Variants in CNIH3 observed in about 807,000 individuals in gnomAD.
CNIH3 encodes cornichon family AMPA receptor auxiliary protein 3.
CNIH3 carries 14 observed loss-of-function variants against 24.1 expected under a neutral mutation model. The observed-to-expected ratio is 0.58, with a 90% CI of 0.38 to 0.91. The LOEUF (loss-of-function observed/expected upper bound fraction) is 0.91. CNIH3 is among the 40% of genes least tolerant of loss of function. The probability of loss-of-function intolerance (pLI) is 0.00; values close to 1 mark genes in which losing one functional copy is unlikely to be tolerated. For missense variants in CNIH3, 178 were observed against 196.8 expected (o/e 0.90, Z 0.57); for synonymous variants, 68 against 73.8 (o/e 0.92, Z 0.40).
At chr1:224,449,070 T>C (rs544769472) in intron 1 of CNIH3, among the ~76,000 whole-genome samples, 2 of 151,720 alleles carry the variant, frequency 1.3e-5, no homozygotes, top group East Asian at 3.9e-4. Flanking sequence ...GTTCAAGTGA[T>C]TCTCCTGCCT....
chr1:224,691,426 G>A (rs139940526), intron 3 of CNIH3, among the ~76,000 whole-genome samples: 1 of 152,320 alleles, frequency 6.6e-6, no homozygotes, highest in African/African-American at 2.4e-5. Flanking sequence ...GGGCAGGCGT[G>A]GGAGTGTGTG....
At chr1:224,436,993 A>G (rs1158685893) in intron 1 of CNIH3, 1 of 152,106 alleles carries the variant, frequency 6.6e-6, no homozygotes, top group Non-Finnish European at 1.5e-5. Flanking sequence ...GACTCAGCTC[A>G]TTTCAAACCT....
intron 1 of CNIH3, among the ~76,000 whole-genome samples, chr1:224,677,239 G>A (rs1228609126): frequency 1.3e-5 from 2 of 152,222 alleles, no homozygotes; most frequent in African/African-American, 4.8e-5. Context: ...GACATGGTGA[G>A]CAGACAATAC....
At chr1:224,728,756 A>G (rs966207734) in intron 3 of CNIH3, among the ~76,000 whole-genome samples, 4 of 152,214 alleles carry the variant, frequency 2.6e-5, no homozygotes, top group Non-Finnish European at 5.9e-5. Flanking sequence ...CACCCAAAGA[A>G]ATCTTAGTTT....
At chr1:224,585,582 G>A (rs546458092) in intron 5 of CNIH3, among the ~76,000 whole-genome samples, 6 of 151,804 alleles carry the variant, frequency 4.0e-5, no homozygotes, top group East Asian at 1.9e-4. Context: ...GGGCTCAAGC[G>A]GTCCTCCTGC....
intron 3 of CNIH3, among the ~76,000 whole-genome samples, chr1:224,712,224 C>T (rs1688194960): frequency 6.6e-6 from 1 of 152,182 alleles, no homozygotes; most frequent in African/African-American, 2.4e-5. Context: ...GTTGCATATG[C>T]ACAGCATTTA....
At chr1:224,537,964 T>C (rs1468869342), downstream of CNIH3, among the ~76,000 whole-genome samples, 12 of 151,992 alleles carry the variant, frequency 7.9e-5, no homozygotes, top group African/African-American at 2.9e-4. Flanking sequence ...ATTATTTTTT[T>C]TTTTGAGACA....
chr1:224,551,086 A>T (rs2124966092), intron 3 of CNIH3, among the ~76,000 whole-genome samples: 2 of 152,136 alleles, frequency 1.3e-5, no homozygotes, highest in Middle Eastern at 3.4e-3. Flanking sequence ...GCTGGAGAGG[A>T]TGTGGAGAAA....
chr1:224,558,199 C>G (rs1257824790), intron 3 of CNIH3, among the ~76,000 whole-genome samples: 1 of 152,166 alleles, frequency 6.6e-6, no homozygotes, highest in Non-Finnish European at 1.5e-5. Flanking sequence ...CTGATGATAA[C>G]TGGTGCTGGC....
intron 4 of CNIH3, 102 bp downstream of exon 4, chr1:224,730,676 A>C: frequency 1.4e-6 from 1 of 691,032 alleles, no homozygotes; most frequent in Admixed American, 2.3e-5. Flanking sequence ...TTGCCTTCCA[A>C]TCATCCCTTC....
chr1:224,739,712 A>G lies in CNIH3; in HGVS notation c.*356A>G, dbSNP rs987752544. The G allele has an allele frequency of 3.3e-6, 1 of 302,514 alleles. No homozygotes were observed. Among genetic ancestry groups the G allele is most frequent in the Non-Finnish European group, 5.9e-6 (1 of 168,708 alleles). The allele number at this position is 302,514 out of a possible 1,614,324, so 18.7% of individuals were successfully genotyped here. ...ATTGAACAGCACCTTGCAAGTTCAA[A>G]TGAGTTCCTGGGAGCGGAGGCTGGA... On this transcript the variant is annotated 3_prime_UTR_variant, in exon 6 of 6. Coordinates refer to ENST00000272133, the MANE Select transcript of CNIH3 (RefSeq NM_152495.2).
intron 3 of CNIH3, among the ~76,000 whole-genome samples, chr1:224,555,124 A>G (rs1303967143): frequency 2.6e-5 from 4 of 152,004 alleles, no homozygotes; most frequent in Admixed American, 2.0e-4. Flanking sequence ...AGTTCCCCCA[A>G]CCTTTTGAAG....
intron 1 of CNIH3, among the ~76,000 whole-genome samples, chr1:224,470,139 C>T (rs921372932): frequency 2.1e-4 from 32 of 151,830 alleles, no homozygotes; most frequent in African/African-American, 7.5e-4. Context: ...CTGCCTCAGC[C>T]TCCTGAGTAG....
intron 1 of CNIH3, among the ~76,000 whole-genome samples, chr1:224,510,203 T>A (rs1028491076): frequency 5.3e-5 from 8 of 152,100 alleles, no homozygotes; most frequent in Non-Finnish European, 8.8e-5. Flanking sequence ...GAGGCTCTGT[T>A]ACTGGGAAGG....
chr1:224,543,557 G>A (rs901694027), intron 2 of CNIH3, among the ~76,000 whole-genome samples: 2 of 152,004 alleles, frequency 1.3e-5, no homozygotes, highest in South Asian at 4.1e-4. Context: ...CTTTTGGCTT[G>A]TGGAGTCAGT....
intron 4 of CNIH3, among the ~76,000 whole-genome samples, chr1:224,576,060 A>T (rs569486220): frequency 4.3e-4 from 65 of 152,360 alleles, no homozygotes; most frequent in Middle Eastern, 3.4e-3. Flanking sequence ...AGGTAAGTTA[A>T]GTCTCTTAAC....
At chr1:224,562,062 G>A (rs1680396555) in intron 3 of CNIH3, among the ~76,000 whole-genome samples, 1 of 152,152 alleles carries the variant, frequency 6.6e-6, no homozygotes, top group Non-Finnish European at 1.5e-5. Flanking sequence ...GAACTCATTT[G>A]AGGGAAATAT....
chr1:224,452,171 A>G (rs1675426973), intron 1 of CNIH3, among the ~76,000 whole-genome samples: 1 of 144,392 alleles, frequency 6.9e-6, no homozygotes. Flanking sequence ...TTTTTTTAAG[A>G]TGGAGTCTCA....
At chr1:224,718,704 A>G (rs1196090386) in intron 3 of CNIH3, among the ~76,000 whole-genome samples, 1 of 151,930 alleles carries the variant, frequency 6.6e-6, no homozygotes, top group Non-Finnish European at 1.5e-5. Context: ...ACTTCAGGAG[A>G]AAGGGGCAGT....
Sources: gnomAD v4.1 joint callset for allele counts (sites outside exome capture counted in the v4.1 genomes callset) on GRCh38, gnomAD v4.1.1 for gene constraint, MANE v1.5 for transcripts, NCBI Gene and HGNC (gene_info 2026-07-23, HGNC 2026-07-21) for gene names.